Variants in CACNA1C observed in about 807,000 individuals in gnomAD.
The protein encoded by CACNA1C is voltage-dependent L-type calcium channel subunit alpha-1C.
In CACNA1C, 30 loss-of-function variants were observed where a neutral mutation model predicts 229.0. That is an observed-to-expected ratio of 0.13 (90% CI 0.10 to 0.18). The LOEUF is 0.18. Among genes scored for constraint, CACNA1C ranks in the 10% least tolerant of loss-of-function variants. The probability of loss-of-function intolerance (pLI) is 1.00; values close to 1 mark genes in which losing one functional copy is unlikely to be tolerated. For synonymous variants in CACNA1C, 1,114 were observed against 1,132.5 expected (o/e 0.98, Z 0.33); for missense variants, 1,658 against 2,845.0 (o/e 0.58, Z 9.49).
intron 34 of CACNA1C, among the ~76,000 whole-genome samples, chr12:2,657,545 C>T (rs216049): frequency 0.31 from 46,608 of 151,780 alleles, 8,877 homozygotes; most frequent in African/African-American, 0.55. Flanking sequence ...ACTTAGCAAT[C>T]CATCAAAAGG....
chr12:2,493,412 A>G lies in CACNA1C; in HGVS notation c.1113+26A>G, dbSNP rs149699136. ...GTACGTAGCATGAGTGGGCAGTCAG[A>G]GGGTGGGGGAACAGCGGCCGTGAAC... On this transcript the variant is annotated intron_variant, in intron 7 of 46. Coordinates refer to ENST00000399655, the MANE Select transcript of CACNA1C (RefSeq NM_000719.7). This position sits in a 1 kb window ranked among gnomAD's most constrained non-coding sequence, Gnocchi z 4.6. 1.3e-6 allele frequency: 2 copies of G among 1,579,636 alleles called. No homozygotes were observed. The highest frequency in any genetic ancestry group is 2.3e-5 in the East Asian group (1 of 44,300).
intron 20 of CACNA1C, chr12:2,596,229 G>A: frequency 2.3e-6 from 1 of 439,314 alleles, no homozygotes; most frequent in Non-Finnish European, 4.0e-6. Flanking sequence ...TTTGATAATT[G>A]GCAAAGATCA....
chr12:2,146,227 T>G (rs2094693316), intron 3 of CACNA1C, among the ~76,000 whole-genome samples: 1 of 150,928 alleles, frequency 6.6e-6, no homozygotes, highest in African/African-American at 2.4e-5. Flanking sequence ...AGAACCAGTT[T>G]GAGAAGCAGG....
At chr12:2,522,213 G>A (rs1032307077) in intron 9 of CACNA1C, among the ~76,000 whole-genome samples, 1 of 152,192 alleles carries the variant, frequency 6.6e-6, no homozygotes, top group Non-Finnish European at 1.5e-5. Flanking sequence ...CCCACCAGTC[G>A]GTGGGGGTGG....
intron 3 of CACNA1C, among the ~76,000 whole-genome samples, chr12:2,175,187 A>G (rs2096611421): frequency 6.6e-6 from 1 of 152,232 alleles, no homozygotes; most frequent in African/African-American, 2.4e-5. Flanking sequence ...AACATCATCT[A>G]ATATTCAGTT....
chr12:2,014,425 C>T (rs572591897), intron 1 of CACNA1C, among the ~76,000 whole-genome samples: 3 of 152,288 alleles, frequency 2.0e-5, no homozygotes, highest in African/African-American at 7.2e-5. Context: ...CATTTAATCA[C>T]TTGTCCATTC....
In CACNA1C at chr12:2,655,318, G is replaced by A. The variant is rs1409418497; in HGVS notation, c.4232+80G>A. 1.9e-5 allele frequency: 16 copies of A among 858,554 alleles called. No homozygotes were observed. The Admixed American group carries it at 2.0e-4, about 11-fold the overall frequency. 53.2% of individuals were successfully genotyped at this position (858,554 alleles called of 1,614,324 possible). On this transcript the variant is annotated intron_variant, in intron 34 of 46. Transcript: ENST00000399655. Reference sequence around the variant, plus strand: ...ACTGTGGCCTGGTGGTAGAATGAAAGGGAACTGCTTCCCGGGGAGTAGGAA... The same window carrying A: ...ACTGTGGCCTGGTGGTAGAATGAAAAGGAACTGCTTCCCGGGGAGTAGGAA...
chr12:2,227,023 C>T (rs1286980569), intron 3 of CACNA1C, among the ~76,000 whole-genome samples: 1 of 152,218 alleles, frequency 6.6e-6, no homozygotes, highest in Non-Finnish European at 1.5e-5. Context: ...ATGCCATGGC[C>T]TGTGTGGGGA....
intron 1 of CACNA1C, among the ~76,000 whole-genome samples, chr12:1,998,159 T>G (rs1170078759): frequency 6.6e-6 from 1 of 152,228 alleles, no homozygotes; most frequent in Admixed American, 6.5e-5. Flanking sequence ...CTCTGCAGAT[T>G]AGGCAGCAGG....
intron 10 of CACNA1C, 62 bp downstream of exon 10, chr12:2,550,095 C>A: frequency 8.6e-7 from 1 of 1,157,026 alleles, no homozygotes; most frequent in Non-Finnish European, 1.3e-6. Flanking sequence ...GGAAAAGCTG[C>A]ATCTGGAAAT....
intron 3 of CACNA1C, among the ~76,000 whole-genome samples, chr12:2,407,968 C>T (rs973095716): frequency 6.6e-6 from 1 of 152,228 alleles, no homozygotes; most frequent in African/African-American, 2.4e-5. Flanking sequence ...ACTCTTCCCC[C>T]AGCAAAGGCC....
chr12:2,481,104 G>A (rs2099674160), intron 5 of CACNA1C, among the ~76,000 whole-genome samples: 1 of 152,150 alleles, frequency 6.6e-6, no homozygotes, highest in African/African-American at 2.4e-5. Flanking sequence ...GCTCATAAAG[G>A]CATTTTCATA....
intron 3 of CACNA1C, among the ~76,000 whole-genome samples, chr12:2,312,854 C>T (rs2095507626): frequency 6.6e-6 from 1 of 152,132 alleles, no homozygotes; most frequent in Admixed American, 6.5e-5. Flanking sequence ...AAGGGCTCCC[C>T]AGTCCTGAAA....
chr12:2,093,863 C>T (rs1173199217), intron 1 of CACNA1C, among the ~76,000 whole-genome samples: 1 of 152,198 alleles, frequency 6.6e-6, no homozygotes, highest in Non-Finnish European at 1.5e-5. Flanking sequence ...AGGGGACCAC[C>T]CAATAACAAA....
At chr12:2,284,821 G>A (rs543811810) in intron 3 of CACNA1C, among the ~76,000 whole-genome samples, 2 of 152,320 alleles carry the variant, frequency 1.3e-5, no homozygotes, top group South Asian at 2.1e-4. Flanking sequence ...AGGGATGCCC[G>A]CTGCTCCAAG....
At chr12:2,162,463 A>T (rs917530634) in intron 3 of CACNA1C, among the ~76,000 whole-genome samples, 4 of 151,924 alleles carry the variant, frequency 2.6e-5, no homozygotes, top group Non-Finnish European at 5.9e-5. Context: ...GCAGTGGTCC[A>T]TTTTTTCTTA....
At chr12:2,672,764 C>A (rs144431600) in intron 38 of CACNA1C, among the ~76,000 whole-genome samples, 1 of 152,356 alleles carries the variant, frequency 6.6e-6, no homozygotes, top group Non-Finnish European at 1.5e-5. Context: ...AGGCCACATT[C>A]TGAGGTTCTA....
At chr12:2,013,756 C>A (rs12230792) in intron 1 of CACNA1C, among the ~76,000 whole-genome samples, 1 of 152,028 alleles carries the variant, frequency 6.6e-6, no homozygotes, top group Non-Finnish European at 1.5e-5. Flanking sequence ...GAAGAAATTA[C>A]GTAGAATCCA....
intron 1 of CACNA1C, among the ~76,000 whole-genome samples, chr12:2,013,923 A>G (rs2044866915): frequency 6.6e-6 from 1 of 152,208 alleles, no homozygotes; most frequent in South Asian, 2.1e-4. Flanking sequence ...GCATCCACAG[A>G]AGGCTCTGTT....
Sources: allele counts gnomAD v4.1 joint callset (sites outside exome capture counted in the v4.1 genomes callset), GRCh38; gene constraint gnomAD v4.1.1; non-coding constraint Gnocchi (gnomAD v3.1); transcripts MANE v1.5; gene names NCBI Gene and HGNC (gene_info 2026-07-23, HGNC 2026-07-21).